PPP2R2A: variants seen among roughly 807,000 people sequenced by gnomAD.
PPP2R2A encodes the protein protein phosphatase 2 regulatory subunit Balpha.
Under a neutral mutation model 53.2 loss-of-function variants are expected in PPP2R2A, and 9 were observed. That is an observed-to-expected ratio of 0.17 (90% CI 0.10 to 0.30). The LOEUF (loss-of-function observed/expected upper bound fraction) is 0.30, where lower values mean the gene tolerates loss of function less well. Ranked by LOEUF, PPP2R2A falls within the 10% of genes least tolerant of loss-of-function variation. The pLI is 1.00. For synonymous variants in PPP2R2A, 169 were observed against 174.2 expected (o/e 0.97, Z 0.23); for missense variants, 235 against 534.6 (o/e 0.44, Z 5.53).
At position 26,338,246 on chromosome 8, in the gene PPP2R2A, A is replaced by G. The variant is rs892210422; in HGVS notation, c.83-644A>G. The stretch of plus-strand genomic sequence containing the variant: ...AAAAACTTGACAGTTTTCTTTGATC[A>G]TGACTGTGAAGTCAGCACTGAGCTG... On this transcript the variant is annotated intron_variant, in intron 2 of 9. Transcript: ENST00000380737. The surrounding 1 kb of genome is among the most constrained non-coding windows in gnomAD (Gnocchi z 4.5). Among the ~76,000 whole-genome samples the G allele has an allele frequency of 6.6e-6, 1 of 152,194 alleles. No individual in the cohort carries two copies. The highest frequency in any genetic ancestry group is 2.4e-5 in the African/African-American group (1 of 41,456).
chr8:26,357,127 A>G (rs1191930146), intron 4 of PPP2R2A, among the ~76,000 whole-genome samples: 1 of 152,208 alleles, frequency 6.6e-6, no homozygotes, highest in African/African-American at 2.4e-5. Flanking sequence ...GTAGATGGGA[A>G]AAGGATGGGA....
intron 2 of PPP2R2A, among the ~76,000 whole-genome samples, chr8:26,329,991 G>C (rs1339519753): frequency 6.6e-6 from 1 of 152,134 alleles, no homozygotes; most frequent in Non-Finnish European, 1.5e-5. Context: ...ATCATACCTT[G>C]AGTATTTACA....
chr8:26,334,601 C>T (rs938509886), intron 2 of PPP2R2A, among the ~76,000 whole-genome samples: 4 of 151,870 alleles, frequency 2.6e-5, no homozygotes, highest in African/African-American at 4.8e-5. Context: ...AAAAATTAGC[C>T]GGTGGTGGTG....
At chr8:26,335,666 A>G (rs531725293) in intron 2 of PPP2R2A, among the ~76,000 whole-genome samples, 1 of 152,316 alleles carries the variant, frequency 6.6e-6, no homozygotes, top group Admixed American at 6.5e-5. Context: ...TTGGTAATCC[A>G]TGTACCTACT....
In PPP2R2A at chr8:26,296,224, T is replaced by G. The variant is rs543603663; in HGVS notation, c.82+2484T>G. Reference sequence around the variant, plus strand: ...TAAATGCAGTCCCAGTTTTGTCATTTTCCTCATAAGTCTACAAGTGGATCA... The same window carrying G: ...TAAATGCAGTCCCAGTTTTGTCATTGTCCTCATAAGTCTACAAGTGGATCA... On this transcript the variant is annotated intron_variant, in intron 2 of 9. Transcript: ENST00000380737. Among the ~76,000 whole-genome samples the G allele has an allele frequency of 7.9e-5, 12 of 152,374 alleles. No individual in the cohort carries two copies. In the South Asian group the frequency reaches 2.5e-3, roughly 32 times the overall value.
chr8:26,312,539 T>C (rs774720633), intron 2 of PPP2R2A, among the ~76,000 whole-genome samples: 13 of 152,248 alleles, frequency 8.5e-5, no homozygotes, highest in Non-Finnish European at 1.8e-4. Context: ...TCTATTGTGC[T>C]GTTCTCACAT....
rs3070132 is a variant in PPP2R2A, at chr8:26,332,363, CAAAA to C, written c.83-6513_83-6510del. On this transcript the variant is annotated intron_variant, in intron 2 of 9. Transcript: ENST00000380737. Reference sequence around the variant, plus strand: ...GTGACAGAGCAAGACTCTTTTGTCTCAAAAAAAAAAAAAAAAAGAAGAAGATACA... The same window carrying C: ...GTGACAGAGCAAGACTCTTTTGTCTCAAAAAAAAAAAAAGAAGAAGATACA... Among the ~76,000 whole-genome samples, 11 of 90,996 alleles carry C rather than the reference CAAAA, an allele frequency of 1.2e-4. No individual in the cohort carries two copies. The East Asian group carries it at 1.9e-3, about 16-fold the overall frequency. 59.7% of individuals were successfully genotyped at this position (90,996 alleles called of 152,430 possible). A position where few individuals can be genotyped will look rare whatever the true frequency, so the allele number is the denominator to read the frequency against.
At chr8:26,318,318 T>A (rs1478689087) in intron 2 of PPP2R2A, among the ~76,000 whole-genome samples, 1 of 152,238 alleles carries the variant, frequency 6.6e-6, no homozygotes, top group Non-Finnish European at 1.5e-5. Context: ...GAACAGTTAC[T>A]GGATATTTCA....
At chr8:26,295,141 T>C (rs1376073923) in intron 2 of PPP2R2A, among the ~76,000 whole-genome samples, 7 of 152,232 alleles carry the variant, frequency 4.6e-5, no homozygotes, top group African/African-American at 1.7e-4. Flanking sequence ...AAGTGCTGTA[T>C]ACTTGGAAAA....
chr8:26,368,878 C>A (rs7814218), intron 9 of PPP2R2A, among the ~76,000 whole-genome samples: 146,526 of 152,200 alleles, frequency 0.96, 70,572 homozygotes, highest in East Asian at 1. Flanking sequence ...AGGCCAAGGC[C>A]GGCGGATCAT....
At chr8:26,335,921 G>T (rs1038001523) in intron 2 of PPP2R2A, among the ~76,000 whole-genome samples, 1 of 152,210 alleles carries the variant, frequency 6.6e-6, no homozygotes, top group Admixed American at 6.5e-5. Context: ...GCCATAAGAA[G>T]TGATACGTTA....
chr8:26,354,527 T>C lies in PPP2R2A; in HGVS notation c.240T>C (p.His80=), dbSNP rs1169416195. ...EYNVYSTFQS[H]EPEFDYLKSL... ...ATGTTTACAGCACCTTCCAGAGCCA[T>C]GAACCAGAGTTTGACTACTTGAAAA... The change falls in exon 4 of 10, where the codon CAT becomes CAC. Residue 80 remains histidine (H), a synonymous_variant. Coordinates refer to ENST00000380737, the MANE Select transcript of PPP2R2A (RefSeq NM_002717.4). The surrounding 1 kb of genome is among the most constrained non-coding windows in gnomAD (Gnocchi z 4.6). 1.9e-6 allele frequency: 3 copies of C among 1,609,478 alleles called. No homozygotes were observed. Among genetic ancestry groups the C allele is most frequent in the African/African-American group, 1.3e-5 (1 of 74,938 alleles).
Position 26,321,363 on chromosome 8 carries a change from CCTT to C in PPP2R2A, c.83-17523_83-17521del, listed in dbSNP as rs1197597541. 6.6e-6 allele frequency among the ~76,000 whole-genome samples: 1 copy of C among 152,202 alleles called. No individual in the cohort carries two copies. Among genetic ancestry groups the C allele is most frequent in the Non-Finnish European group, 1.5e-5 (1 of 68,042 alleles). On this transcript the variant is annotated intron_variant, in intron 2 of 9. Transcript: ENST00000380737. This position sits in a 1 kb window ranked among gnomAD's most constrained non-coding sequence, Gnocchi z 4.1. ...AAGTTGAAACTCTGCCCCCAGGCTG[CCTT>C]CTTTGTCAGGCAGCCGCTTAAGGTG...
At chr8:26,345,585 T>C (rs535437369) in intron 3 of PPP2R2A, among the ~76,000 whole-genome samples, 1 of 152,352 alleles carries the variant, frequency 6.6e-6, no homozygotes, top group African/African-American at 2.4e-5. Flanking sequence ...TCACCATCTC[T>C]GTAATGACAT....
chr8:26,362,514 TAAA>T lies in PPP2R2A; in HGVS notation c.638-162_638-160del, dbSNP rs200651645. 1.3e-5 allele frequency among the ~76,000 whole-genome samples: 2 copies of T among 148,800 alleles called. No homozygotes were observed. Among genetic ancestry groups the T allele is most frequent in the African/African-American group, 4.9e-5 (2 of 40,480 alleles). ...AGTGAAACTCCGTCTAAATAAAAAT[TAAA>T]AAAAAAAGTTTTAATCCCTTTGGAA... On this transcript the variant is annotated intron_variant, in intron 6 of 9. Coordinates refer to ENST00000380737, the MANE Select transcript of PPP2R2A (RefSeq NM_002717.4). This position sits in a 1 kb window ranked among gnomAD's most constrained non-coding sequence, Gnocchi z 4.4.
intron 2 of PPP2R2A, chr8:26,333,434 A>C: frequency 3.6e-6 from 3 of 823,594 alleles, no homozygotes; most frequent in Non-Finnish European, 5.0e-6. Flanking sequence ...ATTAAAAATT[A>C]TATAGGTAAT....
chr8:26,315,331 A>T (rs1414018801), intron 2 of PPP2R2A, among the ~76,000 whole-genome samples: 1 of 152,108 alleles, frequency 6.6e-6, no homozygotes, highest in Non-Finnish European at 1.5e-5. Flanking sequence ...GATGAGAAGG[A>T]ACTTCTAGTG....
chr8:26,301,799 G>C (rs1801803498), intron 2 of PPP2R2A, among the ~76,000 whole-genome samples: 1 of 152,156 alleles, frequency 6.6e-6, no homozygotes, highest in African/African-American at 2.4e-5. Context: ...GTAGTACTCA[G>C]GTGATACTTG....
chr8:26,292,490 A>G, intron 1 of PPP2R2A: 2 of 961,560 alleles, frequency 2.1e-6, no homozygotes, highest in East Asian at 1.1e-4. Context: ...TTAGCATGTT[A>G]GCTTTTTTGC....
Sources: allele counts gnomAD v4.1 joint callset (sites outside exome capture counted in the v4.1 genomes callset), GRCh38; gene constraint gnomAD v4.1.1; non-coding constraint Gnocchi (gnomAD v3.1); transcripts MANE v1.5; gene names NCBI Gene and HGNC (gene_info 2026-07-23, HGNC 2026-07-21).